The following RHEX variants were observed in gnomAD, a reference collection of about 807,000 sequenced individuals.
RHEX encodes regulator of hemoglobinization and erythroid cell expansion protein.
Under a neutral mutation model 20.1 loss-of-function variants are expected in RHEX, and 18 were observed. The ratio of observed to expected loss-of-function variants is 0.90; its 90% CI spans 0.62 to 1.33. The LOEUF (loss-of-function observed/expected upper bound fraction) is 1.33. Ranked by LOEUF, RHEX falls within the 40% of genes most tolerant of loss-of-function variation. The probability of loss-of-function intolerance (pLI) is 0.00; values close to 1 mark genes in which losing one functional copy is unlikely to be tolerated. For missense variants in RHEX, 192 were observed against 214.3 expected (o/e 0.90, Z 0.65); for synonymous variants, 87 against 77.1 (o/e 1.13, Z -0.67).
chr1:206,095,634 T>C (rs1201309206), intron 1 of RHEX, among the ~76,000 whole-genome samples: 1 of 152,092 alleles, frequency 6.6e-6, no homozygotes, highest in African/African-American at 2.4e-5. Flanking sequence ...CTGACCAACA[T>C]GGAGAAACCC....
intron 1 of RHEX, among the ~76,000 whole-genome samples, chr1:206,090,413 G>A (rs1662924749): frequency 6.6e-6 from 1 of 151,662 alleles, no homozygotes; most frequent in African/African-American, 2.4e-5. Context: ...CACCATCTTG[G>A]CCAGGCTGGT....
Position 206,101,973 on chromosome 1 carries a change from G to A in RHEX, c.*21G>A, listed in dbSNP as rs782267515. ...TGTGAATTCCAAATATTTTTAATGG[G>A]GTCCAGTTCTCTATGGATTCTTACA... On this transcript the variant is annotated 3_prime_UTR_variant, in exon 6 of 6. Transcript: ENST00000331555. 5 of 1,559,670 alleles carry A rather than the reference G, an allele frequency of 3.2e-6. No individual in the cohort carries two copies. Among genetic ancestry groups the A allele is most frequent in the South Asian group, 2.2e-5 (2 of 89,756 alleles).
chr1:206,059,145 C>T (rs974068465), intron 1 of RHEX, among the ~76,000 whole-genome samples: 8 of 152,104 alleles, frequency 5.3e-5, no homozygotes, highest in Non-Finnish European at 7.4e-5. Context: ...TCTGCCTCAC[C>T]CCACTCCCCC....
intron 1 of RHEX, among the ~76,000 whole-genome samples, chr1:206,057,423 G>A (rs1030984325): frequency 6.6e-6 from 1 of 152,268 alleles, no homozygotes; most frequent in East Asian, 1.9e-4. Context: ...ATCCTGTAGG[G>A]CAGCTTAGTT....
At chr1:206,066,936 C>A (rs1662433957) in intron 1 of RHEX, among the ~76,000 whole-genome samples, 1 of 152,128 alleles carries the variant, frequency 6.6e-6, no homozygotes. Flanking sequence ...AGTAAACCAG[C>A]CAGAGCCAGT....
At position 206,091,505 on chromosome 1, in the gene RHEX, A is replaced by G. The variant is rs531515529; in HGVS notation, c.-96-6228A>G. ...TTAACTTCAAAAATCAGTAATAAGT[A>G]TTCAGTTTATCCAGTACATTTTGGC... On this transcript the variant is annotated intron_variant, in intron 1 of 5. Transcript: ENST00000331555. Among the ~76,000 whole-genome samples, 4 of 152,338 alleles carry G rather than the reference A, an allele frequency of 2.6e-5. No individual in the cohort carries two copies. The East Asian group carries it at 7.7e-4, about 29-fold the overall frequency.
rs1382282705 is a variant in RHEX at position 206,067,882 on chromosome 1, C to A, written c.-97+14617C>A. 6.6e-6 allele frequency among the ~76,000 whole-genome samples: 1 copy of A among 152,182 alleles called. No homozygotes were observed. The highest frequency in any genetic ancestry group is 2.4e-5 in the African/African-American group (1 of 41,438). On this transcript the variant is annotated intron_variant, in intron 1 of 5. Transcript: ENST00000331555. This position sits in a 1 kb window ranked among gnomAD's most constrained non-coding sequence, Gnocchi z 4.6. ...TCTTTTACCATCTGTGACGCCAGCCCCAGCCAGTTGCACCTGCAACAGATG... is the reference window on the plus strand; with the variant it reads ...TCTTTTACCATCTGTGACGCCAGCCACAGCCAGTTGCACCTGCAACAGATG...
chr1:206,082,512 C>T (rs541105023), intron 1 of RHEX, among the ~76,000 whole-genome samples: 5 of 148,962 alleles, frequency 3.4e-5, no homozygotes, highest in South Asian at 2.1e-4. Context: ...AGAGAGACTC[C>T]GTCTCAAAAA....
chr1:206,091,202 A>G (rs1662943894), intron 1 of RHEX, among the ~76,000 whole-genome samples: 1 of 152,186 alleles, frequency 6.6e-6, no homozygotes, highest in South Asian at 2.1e-4. Flanking sequence ...GGTTGTGAGA[A>G]TTGGATGAGT....
chr1:206,074,633 C>G (rs976812874), intron 1 of RHEX, among the ~76,000 whole-genome samples: 2 of 152,078 alleles, frequency 1.3e-5, no homozygotes, highest in Admixed American at 1.3e-4. Flanking sequence ...TAAAGGAAAC[C>G]CTGCACTCAG....
rs782746357 is a variant in RHEX at position 206,098,166 on chromosome 1, C to G, written c.97C>G (p.Leu33Val). 2.8e-5 allele frequency: 45 copies of G among 1,612,466 alleles called. 1 individual carries two copies. The highest frequency in any genetic ancestry group is 3.1e-5 in the Non-Finnish European group (37 of 1,178,534). The change falls in exon 3 of 6, where the codon CTC (leucine) becomes GTC (valine). Residue 33 changes from leucine to valine, a missense_variant. By Grantham distance (32) the Leu-to-Val change is conservative. Coordinates refer to ENST00000331555, the MANE Select transcript of RHEX (RefSeq NM_001007544.4). ...CTTCCTCACCGCCATCAACTACCTG[C>G]TCAGCAGGCACATGGGTAACTGGCT... ...ACFLTAINYLLSRHMAHKSEQ... is the reference protein window; with the variant it reads ...ACFLTAINYLVSRHMAHKSEQ...
chr1:206,053,868 C>A (rs1662120877), intron 1 of RHEX, among the ~76,000 whole-genome samples: 1 of 152,152 alleles, frequency 6.6e-6, no homozygotes, highest in Non-Finnish European at 1.5e-5. Flanking sequence ...AAGCGGCTGG[C>A]AGAGGCAAGG....
At chr1:206,055,385 A>T (rs920511285) in intron 1 of RHEX, among the ~76,000 whole-genome samples, 4 of 152,204 alleles carry the variant, frequency 2.6e-5, no homozygotes, top group Non-Finnish European at 5.9e-5. Flanking sequence ...GTGGACCTTT[A>T]TTGGGCACTC....
At chr1:206,097,904 A>C in intron 2 of RHEX, 65 bp downstream of exon 2, 2 of 1,309,594 alleles carry the variant, frequency 1.5e-6, no homozygotes, top group Non-Finnish European at 2.2e-6. Flanking sequence ...GCTGTCTTCC[A>C]AGCACACATA....
chr1:206,062,906 C>A (rs1250499981), intron 1 of RHEX, among the ~76,000 whole-genome samples: 1 of 152,208 alleles, frequency 6.6e-6, no homozygotes, highest in Non-Finnish European at 1.5e-5. Flanking sequence ...GTGATCCCAA[C>A]AGACAAAGCC....
chr1:206,078,609 G>T (rs1010171276), intron 1 of RHEX, among the ~76,000 whole-genome samples: 4 of 152,224 alleles, frequency 2.6e-5, no homozygotes, highest in Non-Finnish European at 5.9e-5. Context: ...CCTGATATTT[G>T]TAGTGTTTTC....
At chr1:206,056,910 G>T in intron 1 of RHEX, among the ~76,000 whole-genome samples, 1 of 152,372 alleles carries the variant, frequency 6.6e-6, no homozygotes, top group Non-Finnish European at 1.5e-5. Flanking sequence ...AGTTAAAAAA[G>T]ATAGTGTTTG....
At position 206,059,503 on chromosome 1, in the gene RHEX, A is replaced by G. The variant is rs563858365; in HGVS notation, c.-97+6238A>G. Among the ~76,000 whole-genome samples, 91 of 152,304 alleles carry G rather than the reference A, an allele frequency of 6.0e-4. 1 individual carries two copies. In the Middle Eastern group the frequency reaches 0.01, roughly 17 times the overall value. The stretch of plus-strand genomic sequence containing the variant: ...ACCCCACCTTGGCCACAGTCTCTGC[A>G]TTGCACAGCCAGCTCCCCAAGACAT... On this transcript the variant is annotated intron_variant, in intron 1 of 5. Transcript: ENST00000331555.
chr1:206,064,264 G>C (rs1662370624), intron 1 of RHEX, among the ~76,000 whole-genome samples: 1 of 146,832 alleles, frequency 6.8e-6, no homozygotes, highest in African/African-American at 2.6e-5. Context: ...GGGAGGTGGG[G>C]GGGGTCAGCC....
Sources: allele counts gnomAD v4.1 joint callset (sites outside exome capture counted in the v4.1 genomes callset), GRCh38; gene constraint gnomAD v4.1.1; non-coding constraint Gnocchi (gnomAD v3.1); transcripts MANE v1.5; gene names NCBI Gene and HGNC (gene_info 2026-07-23, HGNC 2026-07-21).